Variants in NALF1 observed in about 807,000 individuals in gnomAD.
NALF1 encodes NALCN channel auxiliary factor 1.
Under a neutral mutation model 48.4 loss-of-function variants are expected in NALF1, and 3 were observed. The observed-to-expected ratio is 0.06, with a 90% CI of 0.03 to 0.16. NALF1 has a LOEUF of 0.16. Ranked by LOEUF, NALF1 falls within the 10% of genes least tolerant of loss-of-function variation. NALF1 has a pLI of 1.00. For missense variants in NALF1, 526 were observed against 571.5 expected, an observed-to-expected ratio of 0.92 and a Z score of 0.81; for synonymous variants, 262 against 245.7, an observed-to-expected ratio of 1.07 and a Z score of -0.62.
chr13:107,546,635 C>A (rs1877143615), intron 1 of NALF1, among the ~76,000 whole-genome samples: 1 of 151,454 alleles, frequency 6.6e-6, no homozygotes, highest in South Asian at 2.1e-4. Flanking sequence ...GTTTCTCTCT[C>A]TCTCCCGCCC....
intron 1 of NALF1, among the ~76,000 whole-genome samples, chr13:107,763,156 T>C (rs192825268): frequency 1.8e-3 from 269 of 152,184 alleles, no homozygotes; most frequent in African/African-American, 6.0e-3. Flanking sequence ...TGTAAAATCT[T>C]TTAAAGTAAA....
At chr13:107,537,637 T>C (rs1261114304) in intron 1 of NALF1, among the ~76,000 whole-genome samples, 1 of 151,918 alleles carries the variant, frequency 6.6e-6, no homozygotes, top group Non-Finnish European at 1.5e-5. Context: ...ACAGAGACCC[T>C]GAGGATGTGG....
intron 1 of NALF1, among the ~76,000 whole-genome samples, chr13:107,786,012 G>T (rs1453256677): frequency 6.6e-6 from 1 of 152,090 alleles, no homozygotes; most frequent in Non-Finnish European, 1.5e-5. Context: ...ACAAGACTAT[G>T]GAGAGGGCTC....
intron 1 of NALF1, among the ~76,000 whole-genome samples, chr13:107,713,301 T>C (rs550423531): frequency 1.3e-5 from 2 of 152,376 alleles, no homozygotes; most frequent in East Asian, 3.9e-4. Flanking sequence ...AATCATATAC[T>C]TGGGCATTGT....
intron 1 of NALF1, among the ~76,000 whole-genome samples, chr13:107,516,930 C>T (rs1876072865): frequency 6.6e-6 from 1 of 152,174 alleles, no homozygotes; most frequent in Non-Finnish European, 1.5e-5. Context: ...TGGAAAATCT[C>T]ATGTTGGATA....
intron 1 of NALF1, among the ~76,000 whole-genome samples, chr13:107,405,694 A>T (rs9555359): frequency 0.43 from 64,836 of 151,764 alleles, 14,239 homozygotes; most frequent in Admixed American, 0.48. Flanking sequence ...CACACTGATT[A>T]AAGAGGAAGG....
intron 1 of NALF1, among the ~76,000 whole-genome samples, chr13:107,748,114 C>T (rs549465704): frequency 6.6e-6 from 1 of 152,262 alleles, no homozygotes; most frequent in East Asian, 1.9e-4. Flanking sequence ...TTCCCTCTTT[C>T]TCATCAGGAA....
intron 1 of NALF1, among the ~76,000 whole-genome samples, chr13:107,653,420 T>C (rs1413521116): frequency 6.6e-6 from 1 of 152,102 alleles, no homozygotes; most frequent in African/African-American, 2.4e-5. Flanking sequence ...TCATTTATTT[T>C]AGTCCCTAGT....
chr13:107,489,170 T>A (rs1468312445), intron 1 of NALF1, among the ~76,000 whole-genome samples: 2 of 152,164 alleles, frequency 1.3e-5, no homozygotes, highest in Non-Finnish European at 2.9e-5. Flanking sequence ...TGCTCATGGA[T>A]AGAAGAATCG....
intron 2 of NALF1, among the ~76,000 whole-genome samples, chr13:107,180,362 A>C (rs1879036212): frequency 6.6e-6 from 1 of 152,044 alleles, no homozygotes; most frequent in South Asian, 2.1e-4. Context: ...ATATCTAAGG[A>C]ATAAATATTT....
chr13:107,611,280 A>C (rs138774161), intron 1 of NALF1, among the ~76,000 whole-genome samples: 1 of 152,196 alleles, frequency 6.6e-6, no homozygotes, highest in South Asian at 2.1e-4. Context: ...TGTGGAAGAC[A>C]GTACTAAAGT....
intron 1 of NALF1, among the ~76,000 whole-genome samples, chr13:107,652,703 T>G (rs894316451): frequency 6.6e-6 from 1 of 152,120 alleles, no homozygotes; most frequent in Non-Finnish European, 1.5e-5. Flanking sequence ...TCTAACTCAT[T>G]AGGCATTGTT....
intron 1 of NALF1, among the ~76,000 whole-genome samples, chr13:107,590,226 T>C (rs575815033): frequency 1.3e-5 from 2 of 152,018 alleles, no homozygotes; most frequent in African/African-American, 2.4e-5. Flanking sequence ...AATTATAATA[T>C]TCAACATCTG....
chr13:107,619,776 G>T (rs1247814292), intron 1 of NALF1, among the ~76,000 whole-genome samples: 2 of 152,104 alleles, frequency 1.3e-5, no homozygotes, highest in African/African-American at 4.8e-5. Flanking sequence ...ACTACGACAA[G>T]AATGTAGGTC....
At chr13:107,626,026 G>A (rs976608314) in intron 1 of NALF1, among the ~76,000 whole-genome samples, 6 of 152,052 alleles carry the variant, frequency 3.9e-5, no homozygotes, top group African/African-American at 1.4e-4. Flanking sequence ...TGTAGATTAT[G>A]AAGGTCGTTT....
chr13:107,253,287 T>C (rs7318585), intron 1 of NALF1, among the ~76,000 whole-genome samples: 17,130 of 152,032 alleles, frequency 0.11, 1,126 homozygotes, highest in African/African-American at 0.17. Flanking sequence ...AGCCCCAAAG[T>C]ATGTCTACAA....
chr13:107,636,223 C>T (rs1319205600), intron 1 of NALF1, among the ~76,000 whole-genome samples: 2 of 152,020 alleles, frequency 1.3e-5, no homozygotes, highest in African/African-American at 4.8e-5. Context: ...ATCACACGGC[C>T]GAATTATTGA....
rs1875197515 is a variant in NALF1 at position 107,493,026 on chromosome 13, T to C, written c.916-282271A>G. 2.0e-5 allele frequency among the ~76,000 whole-genome samples: 3 copies of C among 152,190 alleles called. No individual in the cohort carries two copies. In the South Asian group the frequency reaches 6.2e-4, roughly 32 times the overall value. Reference sequence around the variant, plus strand: ...TTGTGCAACAGTGGATCATCCACTGTTTTATCATCTTTAGAATTGTTGGAA... The same window carrying C: ...TTGTGCAACAGTGGATCATCCACTGCTTTATCATCTTTAGAATTGTTGGAA... On this transcript the variant is annotated intron_variant, in intron 1 of 2. Transcript: ENST00000375915.
intron 1 of NALF1, among the ~76,000 whole-genome samples, chr13:107,340,466 C>CTTTCTTTCTTTCT (rs201495618): frequency 3.0e-5 from 3 of 101,676 alleles, no homozygotes; most frequent in Non-Finnish European, 4.7e-5. Context: ...TTCTTTCTTT[C>CTTTCTTTCTTTCT]TTCTCTCTTT....
Sources: allele counts gnomAD v4.1 joint callset (sites outside exome capture counted in the v4.1 genomes callset), GRCh38; gene constraint gnomAD v4.1.1; transcripts MANE v1.5; gene names NCBI Gene and HGNC (gene_info 2026-07-23, HGNC 2026-07-21).